GALNT13: variants seen among roughly 807,000 people sequenced by gnomAD.
GALNT13 encodes polypeptide N-acetylgalactosaminyltransferase 13, also known as UDP-GalNAc:polypeptide N-acetylgalactosaminyltransferase 13.
GALNT13 carries 28 observed loss-of-function variants against 64.2 expected under a neutral mutation model. The ratio of observed to expected loss-of-function variants is 0.44; its 90% CI spans 0.32 to 0.60. The LOEUF is 0.60. Ranked by LOEUF, GALNT13 falls within the 20% of genes least tolerant of loss-of-function variation. The pLI is 0.05. For missense variants in GALNT13, 577 were observed against 669.8 expected (o/e 0.86, Z 1.53); for synonymous variants, 214 against 224.6 (o/e 0.95, Z 0.42).
chr2:154,153,813 G>C (rs1020636263), intron 4 of GALNT13, among the ~76,000 whole-genome samples: 1 of 152,222 alleles, frequency 6.6e-6, no homozygotes. Flanking sequence ...GGAGTGACCC[G>C]ATTTTCCAGG....
the GALNT13 span, among the ~76,000 whole-genome samples, chr2:153,777,728 G>A: frequency 5.3e-5 from 8 of 152,080 alleles, no homozygotes; most frequent in East Asian, 1.9e-4. Flanking sequence ...AGCAGGCTTC[G>A]GGGCTTTGAG....
chr2:154,266,505 A>G (rs1691008711), intron 8 of GALNT13, among the ~76,000 whole-genome samples: 1 of 152,120 alleles, frequency 6.6e-6, no homozygotes, highest in Admixed American at 6.5e-5. Context: ...ATTAAACATT[A>G]TCTAAAATAA....
intron 1 of GALNT13, among the ~76,000 whole-genome samples, chr2:153,891,637 A>G (rs1387583188): frequency 6.6e-6 from 1 of 151,970 alleles, no homozygotes; most frequent in Non-Finnish European, 1.5e-5. Context: ...CTTAATCTAA[A>G]CCCAAGACTA....
chr2:154,427,449 C>T lies in GALNT13; in HGVS notation c.1396-11143C>T, dbSNP rs139453110. On this transcript the variant is annotated intron_variant, in intron 11 of 12. Transcript: ENST00000392825. ...GAGATTAGCCTTTTGCTTGGCAAAG[C>T]GGAGTGGGAAGGATAGTCCTAGTGA... 2.1e-4 allele frequency among the ~76,000 whole-genome samples: 32 copies of T among 152,208 alleles called. No individual in the cohort carries two copies. The East Asian group carries it at 4.2e-3, about 20-fold the overall frequency.
the GALNT13 span, among the ~76,000 whole-genome samples, chr2:153,150,585 C>G: frequency 6.6e-6 from 1 of 152,076 alleles, no homozygotes; most frequent in South Asian, 2.1e-4. Context: ...AGGTTTTCTT[C>G]TAGGGTTTTT....
chr2:153,943,775 G>C (rs1002737520), intron 2 of GALNT13, among the ~76,000 whole-genome samples: 1 of 152,178 alleles, frequency 6.6e-6, no homozygotes, highest in Non-Finnish European at 1.5e-5. Context: ...GATTACAGGC[G>C]TGAGCCGCCG....
At chr2:153,261,382 T>C in the GALNT13 span, among the ~76,000 whole-genome samples, 4 of 152,176 alleles carry the variant, frequency 2.6e-5, no homozygotes, top group African/African-American at 7.2e-5. Flanking sequence ...GACTTGGGTA[T>C]TGAGATCTAA....
At chr2:153,861,981 G>A in the GALNT13 span, among the ~76,000 whole-genome samples, 1 of 152,122 alleles carries the variant, frequency 6.6e-6, no homozygotes, top group Non-Finnish European at 1.5e-5. Flanking sequence ...TGGTGGGGAG[G>A]AAGTACTATT....
the GALNT13 span, among the ~76,000 whole-genome samples, chr2:153,296,677 A>G: frequency 1.3e-5 from 2 of 152,182 alleles, no homozygotes; most frequent in Non-Finnish European, 2.9e-5. Flanking sequence ...CTGTGTTTCT[A>G]GTAGTTACTT....
At chr2:153,483,433 T>G in the GALNT13 span, among the ~76,000 whole-genome samples, 1 of 147,712 alleles carries the variant, frequency 6.8e-6, no homozygotes, top group Non-Finnish European at 1.5e-5. Context: ...TTTTTTTTTT[T>G]TGATACGGAG....
chr2:153,313,234 A>G, the GALNT13 span, among the ~76,000 whole-genome samples: 1 of 152,216 alleles, frequency 6.6e-6, no homozygotes, highest in Non-Finnish European at 1.5e-5. Flanking sequence ...AACGATTACA[A>G]TATGTAATGA....
intron 3 of GALNT13, among the ~76,000 whole-genome samples, chr2:153,970,739 G>A (rs552464435): frequency 3.9e-5 from 6 of 152,040 alleles, no homozygotes; most frequent in East Asian, 1.9e-4. Context: ...TTTCTGTGTC[G>A]ATTTTTGGCA....
intron 10 of GALNT13, among the ~76,000 whole-genome samples, chr2:154,401,882 A>G (rs751492818): frequency 5.9e-5 from 9 of 152,298 alleles, no homozygotes; most frequent in Middle Eastern, 3.4e-3. Flanking sequence ...CCAGTTCTCC[A>G]TAAGTGAAGT....
the GALNT13 span, among the ~76,000 whole-genome samples, chr2:153,417,074 T>G: frequency 6.6e-6 from 1 of 151,982 alleles, no homozygotes; most frequent in Non-Finnish European, 1.5e-5. Flanking sequence ...AATGTCAAAT[T>G]TGAACAAAGA....
chr2:153,097,222 G>A, the GALNT13 span, among the ~76,000 whole-genome samples: 1 of 152,008 alleles, frequency 6.6e-6, no homozygotes, highest in South Asian at 2.1e-4. Flanking sequence ...TGTACTGAAT[G>A]TCTTGAAAAA....
the GALNT13 span, among the ~76,000 whole-genome samples, chr2:153,769,305 T>A: frequency 6.6e-6 from 1 of 150,880 alleles, no homozygotes; most frequent in African/African-American, 2.4e-5. Context: ...CTTTTGTTTG[T>A]CTGGAAAAGA....
At chr2:154,239,591 G>T (rs1689373402) in intron 4 of GALNT13, among the ~76,000 whole-genome samples, 1 of 152,142 alleles carries the variant, frequency 6.6e-6, no homozygotes, top group African/African-American at 2.4e-5. Flanking sequence ...GGAGATACAA[G>T]TCAAATGATG....
the GALNT13 span, among the ~76,000 whole-genome samples, chr2:153,442,858 C>T: frequency 1.3e-3 from 199 of 152,232 alleles, no homozygotes; most frequent in Non-Finnish European, 2.5e-3. Flanking sequence ...AGGGGAAAAC[C>T]GCCTACTCAA....
chr2:154,184,004 A>AT (rs1198080155), intron 4 of GALNT13, among the ~76,000 whole-genome samples: 1 of 151,894 alleles, frequency 6.6e-6, no homozygotes, highest in Non-Finnish European at 1.5e-5. Flanking sequence ...GGCTGGCCTC[A>AT]AAGTCCCAGG....
Sources: allele counts gnomAD v4.1 joint callset (sites outside exome capture counted in the v4.1 genomes callset), GRCh38; gene constraint gnomAD v4.1.1; transcripts MANE v1.5; gene names NCBI Gene and HGNC (gene_info 2026-07-23, HGNC 2026-07-21).